KCNJ5: variants seen among roughly 807,000 people sequenced by gnomAD.
The protein encoded by KCNJ5 is potassium inwardly rectifying channel subfamily J member 5.
A neutral mutation model predicts 20.2 loss-of-function variants in KCNJ5; 12 were observed. The observed-to-expected ratio is 0.59, with a 90% CI of 0.38 to 0.96. The LOEUF (loss-of-function observed/expected upper bound fraction) is 0.96, where lower values mean the gene tolerates loss of function less well. Ranked by LOEUF, KCNJ5 falls within the 40% of genes least tolerant of loss-of-function variation. The probability of loss-of-function intolerance (pLI) is 0.00; values close to 1 mark genes in which losing one functional copy is unlikely to be tolerated. For missense variants in KCNJ5, 449 were observed against 557.6 expected (o/e 0.81, Z 1.96); for synonymous variants, 210 against 213.9 (o/e 0.98, Z 0.16).
chr11:128,892,235 T>TC (rs1338713334), intron 1 of KCNJ5, among the ~76,000 whole-genome samples: 1 of 152,150 alleles, frequency 6.6e-6, no homozygotes, highest in East Asian at 1.9e-4. Context: ...CCTGCGTACC[T>TC]CCCTATCTCC....
intron 1 of KCNJ5, among the ~76,000 whole-genome samples, chr11:128,894,530 G>A (rs546353979): frequency 4.3e-4 from 66 of 152,326 alleles, no homozygotes; most frequent in African/African-American, 1.4e-3. Flanking sequence ...TAAGATAGTC[G>A]TCAGCCACGA....
chr11:128,916,213 G>C (rs1339922056), intron 2 of KCNJ5, among the ~76,000 whole-genome samples, 196 bp from the exon 3 acceptor site: 3 of 148,282 alleles, frequency 2.0e-5, no homozygotes, highest in African/African-American at 7.4e-5. Flanking sequence ...TGGATGGATG[G>C]ATGGATGGAT....
chr11:128,920,196 C>T lies in KCNJ5; in HGVS notation c.*3465C>T, dbSNP rs947321540. 6.6e-6 allele frequency: 1 copy of T among 152,272 alleles called. No homozygotes were observed. The highest frequency in any genetic ancestry group is 2.1e-4 in the South Asian group (1 of 4,830). 9.4% of individuals were successfully genotyped at this position (152,272 alleles called of 1,614,324 possible). ...TCACCACTGCCTGAAGGATCCTGTC[C>T]CCAGGCCAGGGCAGAATGGGCATTG... On this transcript the variant is annotated 3_prime_UTR_variant, in exon 3 of 3. Coordinates refer to ENST00000529694, the MANE Select transcript of KCNJ5 (RefSeq NM_000890.5).
In KCNJ5 at chr11:128,897,697, C is replaced by T. The variant is rs73025288; in HGVS notation, c.-11+5976C>T. ...TCAGTTTGTCTTCTTATGGATTGTG[C>T]TTTTCTTGTCAAGTCTAAGAACTCT... On this transcript the variant is annotated intron_variant, in intron 1 of 2. Coordinates refer to ENST00000529694, the MANE Select transcript of KCNJ5 (RefSeq NM_000890.5). Among the ~76,000 whole-genome samples, 503 of 152,234 alleles carry T rather than the reference C, an allele frequency of 3.3e-3. 6 individuals are homozygous for T. Among genetic ancestry groups the T allele is most frequent in the South Asian group, 0.021 (102 of 4,822 alleles).
chr11:128,895,784 G>A (rs893226586), intron 1 of KCNJ5, among the ~76,000 whole-genome samples: 1 of 152,270 alleles, frequency 6.6e-6, no homozygotes, highest in African/African-American at 2.4e-5. Flanking sequence ...TTAGGGAGAG[G>A]CACAGGCATC....
chr11:128,918,309 G>A lies in KCNJ5; in HGVS notation c.*1578G>A, dbSNP rs940204330. ...ACAAGAGGGCAAGCGGGGTCAGCAGGAGAATTCGGGGGCAGGGTGAGTGTT... is the reference window on the plus strand; with the variant it reads ...ACAAGAGGGCAAGCGGGGTCAGCAGAAGAATTCGGGGGCAGGGTGAGTGTT... On this transcript the variant is annotated 3_prime_UTR_variant, in exon 3 of 3. Coordinates refer to ENST00000529694, the MANE Select transcript of KCNJ5 (RefSeq NM_000890.5). 5 of 152,234 alleles carry A rather than the reference G, an allele frequency of 3.3e-5. No homozygotes were observed. The highest frequency in any genetic ancestry group is 7.3e-5 in the Non-Finnish European group (5 of 68,066). 9.4% of individuals were successfully genotyped at this position (152,234 alleles called of 1,614,324 possible).
intron 1 of KCNJ5, among the ~76,000 whole-genome samples, chr11:128,910,911 G>C (rs577668110): frequency 4.6e-4 from 70 of 152,324 alleles, no homozygotes; most frequent in Non-Finnish European, 7.5e-4. Context: ...CATGTAATGC[G>C]TGGGACACAG....
chr11:128,897,692 T>C (rs1944199587), intron 1 of KCNJ5, among the ~76,000 whole-genome samples: 1 of 152,246 alleles, frequency 6.6e-6, no homozygotes, highest in Non-Finnish European at 1.5e-5. Context: ...TTCTTATGGA[T>C]TGTGCTTTTC....
In KCNJ5 at chr11:128,911,186, G is replaced by C. The variant is rs1944491136; in HGVS notation, c.-10-78G>C. 1 of 1,158,640 alleles carries C rather than the reference G, an allele frequency of 8.6e-7. No individual in the cohort carries two copies. The highest frequency in any genetic ancestry group is 1.3e-6 in the Non-Finnish European group (1 of 777,512). 71.8% of individuals were successfully genotyped at this position (1,158,640 alleles called of 1,614,324 possible). On this transcript the variant is annotated intron_variant, in intron 1 of 2. Coordinates refer to ENST00000529694, the MANE Select transcript of KCNJ5 (RefSeq NM_000890.5). The surrounding 1 kb of genome is among the most constrained non-coding windows in gnomAD (Gnocchi z 6.3). The stretch of plus-strand genomic sequence containing the variant: ...GAAGAGAAGCCTGGGAGAGCCCCGG[G>C]GTGGGGGTGGCCTTCCATCTTGTGT...
Position 128,918,460 on chromosome 11 carries a change from G to A in KCNJ5, c.*1729G>A, listed in dbSNP as rs555195616. The A allele has an allele frequency of 1.3e-5, 2 of 152,318 alleles. No homozygotes were observed. The highest frequency in any genetic ancestry group is 2.4e-5 in the African/African-American group (1 of 41,464). 9.4% of individuals were successfully genotyped at this position (152,318 alleles called of 1,614,324 possible). ...TCCCGAAATGTGTGTTGACACACAC[G>A]GGCTTCGGGTTAGCTGGCCTGACAT... is the stretch of plus-strand genomic sequence containing the variant. On this transcript the variant is annotated 3_prime_UTR_variant, in exon 3 of 3. Transcript: ENST00000529694.
At chr11:128,909,488 G>A (rs904712992) in intron 1 of KCNJ5, among the ~76,000 whole-genome samples, 2 of 152,230 alleles carry the variant, frequency 1.3e-5, no homozygotes, top group South Asian at 2.1e-4. Context: ...AAGAAAAGAG[G>A]TGCTCCGCTT....
intron 1 of KCNJ5, chr11:128,902,586 G>A (rs1214213639): frequency 6.2e-7 from 1 of 1,611,666 alleles, no homozygotes; most frequent in Non-Finnish European, 8.5e-7. Flanking sequence ...CCAGGCTGAT[G>A]GGCACTGAGG....
chr11:128,903,387 G>A, intron 1 of KCNJ5: 1 of 1,614,150 alleles, frequency 6.2e-7, no homozygotes, highest in Non-Finnish European at 8.5e-7. Context: ...CACAGCCGTG[G>A]GTGTAGACGG....
At chr11:128,899,378 T>A (rs190555175) in intron 1 of KCNJ5, among the ~76,000 whole-genome samples, 47 of 152,358 alleles carry the variant, frequency 3.1e-4, no homozygotes, top group African/African-American at 9.6e-4. Context: ...TTTCTGTGGC[T>A]CTTTCTCACA....
At chr11:128,900,169 C>T (rs1944250258) in intron 1 of KCNJ5, 2 of 152,248 alleles carry the variant, frequency 1.3e-5, no homozygotes, top group Middle Eastern at 3.4e-3. Flanking sequence ...ATTTTAAATA[C>T]CATCAAAATG....
At chr11:128,895,390 C>G (rs546132332) in intron 1 of KCNJ5, among the ~76,000 whole-genome samples, 5 of 146,694 alleles carry the variant, frequency 3.4e-5, no homozygotes, top group Non-Finnish European at 7.6e-5. Flanking sequence ...CCACCCCCCC[C>G]CCAACCCCAG....
chr11:128,905,782 C>T (rs1216981862), intron 1 of KCNJ5: 1 of 152,510 alleles, frequency 6.6e-6, no homozygotes, highest in African/African-American at 2.4e-5. Context: ...GGCACGGGTT[C>T]CCGGTCTCGT....
At chr11:128,902,687 G>A (rs552672240) in intron 1 of KCNJ5, 5 of 1,612,984 alleles carry the variant, frequency 3.1e-6, no homozygotes, top group Non-Finnish European at 4.2e-6. Context: ...TTGTCCTGAG[G>A]ACTGACAGGT....
intron 1 of KCNJ5, among the ~76,000 whole-genome samples, chr11:128,893,834 G>C (rs533795446): frequency 2.6e-5 from 4 of 152,370 alleles, no homozygotes; most frequent in South Asian, 4.1e-4. Context: ...CTGCTGGCAA[G>C]TCCTGAGCAG....
Sources: allele counts gnomAD v4.1 joint callset (sites outside exome capture counted in the v4.1 genomes callset), GRCh38; gene constraint gnomAD v4.1.1; non-coding constraint Gnocchi (gnomAD v3.1); transcripts MANE v1.5; gene names NCBI Gene and HGNC (gene_info 2026-07-23, HGNC 2026-07-21).